Variants in SP8 observed in about 807,000 individuals in gnomAD.
SP8 encodes the protein transcription factor Sp8.
SP8 carries 7 observed loss-of-function variants against 15.3 expected under a neutral mutation model. The observed-to-expected ratio is 0.46, with a 90% CI of 0.26 to 0.86. SP8 has a LOEUF of 0.86. SP8 is among the 40% of genes least tolerant of loss of function. SP8 has a pLI of 0.16. For synonymous variants in SP8, 415 were observed against 356.3 expected (o/e 1.16, Z -1.86); for missense variants, 731 against 736.4 (o/e 0.99, Z 0.09).
Position 20,784,068 on chromosome 7 carries a change from G to C in SP8, c.*222C>G, listed in dbSNP as rs960097197. ...GTTCAGGCAGCGTTACCCGTGGAAA[G>C]GGAAAGCCAGGGCCCGGGACAGCGA... On this transcript the variant is annotated 3_prime_UTR_variant, in exon 2 of 2. Transcript: ENST00000418710. The C allele has an allele frequency of 8.5e-6, 4 of 471,180 alleles. No homozygotes were observed. Among genetic ancestry groups the C allele is most frequent in the Non-Finnish European group, 1.4e-5 (4 of 282,094 alleles). 29.2% of individuals were successfully genotyped at this position (471,180 alleles called of 1,614,324 possible).
In SP8 at chr7:20,786,698, G is replaced by C; in HGVS notation, c.21+80C>G. The C allele has an allele frequency of 8.1e-7, 1 of 1,234,700 alleles. No individual in the cohort carries two copies. The highest frequency in any genetic ancestry group is 1.2e-6 in the Non-Finnish European group (1 of 834,110). 76.5% of individuals were successfully genotyped at this position (1,234,700 alleles called of 1,614,324 possible). ...TAGAGAGACTGATAGCCCGTGGCCT[G>C]GCCGGGGCGACTTTAACCCCCTCCA... is the stretch of plus-strand genomic sequence containing the variant. On this transcript the variant is annotated intron_variant, in intron 1 of 1. Transcript: ENST00000418710. This position sits in a 1 kb window ranked among gnomAD's most constrained non-coding sequence, Gnocchi z 4.4.
chr7:20,785,449 G>A lies in SP8; in HGVS notation c.368C>T (p.Ala123Val), dbSNP rs1328650989. Reference sequence around the variant, plus strand: ...TGCGGCGGCGGCGGCGGCGGCTGCGGCGCTGCTGGAGGTGAGGGAGAAGGC... The same window carrying A: ...TGCGGCGGCGGCGGCGGCGGCTGCGACGCTGCTGGAGGTGAGGGAGAAGGC... ...SSAFSLTSSS[A>V]AAAAAAAAAA... is the part of the protein sequence containing the mutation. The change falls in exon 2 of 2, where the codon GCC becomes GTC. Residue 123 changes from alanine to valine, a missense_variant. Physicochemically the swap from Ala to Val is moderately conservative, Grantham distance 64 (BLOSUM62 0). Around this residue, in one of 3 missense-constraint regions of SP8, gnomAD observed 586 missense variants for 524.9 expected, o/e 1.12. Transcript: ENST00000418710. This position sits in a 1 kb window ranked among gnomAD's most constrained non-coding sequence, Gnocchi z 7.2. 2.0e-5 allele frequency: 23 copies of A among 1,176,176 alleles called. No homozygotes were observed. The highest frequency in any genetic ancestry group is 2.3e-5 in the Non-Finnish European group (22 of 938,716). The allele number at this position is 1,176,176 out of a possible 1,614,324, so 72.9% of individuals were successfully genotyped here. A position where few individuals can be genotyped will look rare whatever the true frequency, so the allele number is the denominator to read the frequency against.
rs1562606769 is a variant in SP8 at position 20,785,327 on chromosome 7, C to T, written c.490G>A (p.Gly164Ser). 1.4e-6 allele frequency: 2 copies of T among 1,481,168 alleles called. No homozygotes were observed. The highest frequency in any genetic ancestry group is 4.7e-5 in the Admixed American group (2 of 42,158). The allele number at this position is 1,481,168 out of a possible 1,614,324, so 91.8% of individuals were successfully genotyped here. A position where few individuals can be genotyped will look rare whatever the true frequency, so the allele number is the denominator to read the frequency against. The change falls in exon 2 of 2, where the codon GGC (glycine) becomes AGC (serine). Residue 164 changes from glycine (G) to serine (S), a missense_variant. Physicochemically the swap from Gly to Ser is moderately conservative, Grantham distance 56 (BLOSUM62 0). This residue lies in a region of SP8 where 586 missense variants were observed against 524.9 expected (regional missense o/e 1.12). Coordinates refer to ENST00000418710, the MANE Select transcript of SP8 (RefSeq NM_182700.6). The surrounding 1 kb of genome is among the most constrained non-coding windows in gnomAD (Gnocchi z 7.2). ...GSGGGGGGGGGGSSAHSQDGS... is the reference protein window; with the variant it reads ...GSGGGGGGGGSGSSAHSQDGS... ...TCCTGCGAGTGCGCGGAGGAGCCGC[C>T]GCCGCCGCCCCCGCCGCCGCCGCCG...
chr7:20,785,325 GCCGCCGCCGCCC>G lies in SP8; in HGVS notation c.480_491del (p.Gly162_Gly165del), dbSNP rs750513769. 22 of 1,436,070 alleles carry G rather than the reference GCCGCCGCCGCCC, an allele frequency of 1.5e-5. No homozygotes were observed. Among genetic ancestry groups the G allele is most frequent in the East Asian group, 2.9e-5 (1 of 34,056 alleles). The allele number at this position is 1,436,070 out of a possible 1,614,324, so 89.0% of individuals were successfully genotyped here. A position where few individuals can be genotyped will look rare whatever the true frequency, so the allele number is the denominator to read the frequency against. On this transcript the variant is annotated inframe_deletion, in exon 2 of 2. Coordinates refer to ENST00000418710, the MANE Select transcript of SP8 (RefSeq NM_182700.6). This position sits in a 1 kb window ranked among gnomAD's most constrained non-coding sequence, Gnocchi z 7.2. ...CGTCCTGCGAGTGCGCGGAGGAGCC[GCCGCCGCCGCCC>G]CCGCCGCCGCCGCCGCTGCCCCCGG... is the stretch of plus-strand genomic sequence containing the variant.
rs1387779139 is a variant in SP8, at chr7:20,784,972, C to A, written c.845G>T (p.Ser282Ile). 6.4e-7 allele frequency: 1 copy of A among 1,568,696 alleles called. No homozygotes were observed. Among genetic ancestry groups the A allele is most frequent in the African/African-American group, 1.4e-5 (1 of 73,264 alleles). Residue 282 changes from serine to isoleucine, a missense_variant, in exon 2 of 2, where the codon AGC (serine) becomes ATC (isoleucine). Ser to Ile is a moderately radical substitution (Grantham distance 142, BLOSUM62 -2). This residue lies in a region of SP8 where 586 missense variants were observed against 524.9 expected (regional missense o/e 1.12). Transcript: ENST00000418710. ...GAGCAGGTGCGAGGAGGCGCCGCTGCTGAAGGCCGAGTGACTCAGGCCCGA... is the reference window on the plus strand; with the variant it reads ...GAGCAGGTGCGAGGAGGCGCCGCTGATGAAGGCCGAGTGACTCAGGCCCGA... ...DYSGLSHSAF[S>I]SGASSHLLSP...
chr7:20,783,274 C>T lies in SP8; in HGVS notation c.*1016G>A, dbSNP rs1380034707. On this transcript the variant is annotated 3_prime_UTR_variant, in exon 2 of 2. Coordinates refer to ENST00000418710, the MANE Select transcript of SP8 (RefSeq NM_182700.6). ...GGTGAAAAAACGAGGTAGAAAAGGA[C>T]AAACATGGAGATAGTTAATCTGGTC... is the stretch of plus-strand genomic sequence containing the variant. The T allele has an allele frequency of 2.6e-5, 4 of 152,500 alleles. No individual in the cohort carries two copies. The highest frequency in any genetic ancestry group is 5.9e-5 in the Non-Finnish European group (4 of 68,018). The allele number at this position is 152,500 out of a possible 1,614,324, so 9.4% of individuals were successfully genotyped here.
rs1270540105 is a variant in SP8, at chr7:20,784,099, G to A, written c.*191C>T. 1.9e-6 allele frequency: 1 copy of A among 523,116 alleles called. No individual in the cohort carries two copies. Among genetic ancestry groups the A allele is most frequent in the Non-Finnish European group, 3.1e-6 (1 of 323,280 alleles). 32.4% of individuals were successfully genotyped at this position (523,116 alleles called of 1,614,324 possible). A position where few individuals can be genotyped will look rare whatever the true frequency, so the allele number is the denominator to read the frequency against. ...GCCAGGGCCCGGGACAGCGATGCGT[G>A]TTACTTACTTGTCCATATCCCCTTT... is the stretch of plus-strand genomic sequence containing the variant. On this transcript the variant is annotated 3_prime_UTR_variant, in exon 2 of 2. Coordinates refer to ENST00000418710, the MANE Select transcript of SP8 (RefSeq NM_182700.6).
rs895575994 is a variant in SP8 at position 20,783,138 on chromosome 7, A to G, written c.*1152T>C. The G allele has an allele frequency of 2.6e-5, 4 of 152,154 alleles. No homozygotes were observed. The highest frequency in any genetic ancestry group is 9.7e-5 in the African/African-American group (4 of 41,290). 9.4% of individuals were successfully genotyped at this position (152,154 alleles called of 1,614,324 possible). A position where few individuals can be genotyped will look rare whatever the true frequency, so the allele number is the denominator to read the frequency against. On this transcript the variant is annotated 3_prime_UTR_variant, in exon 2 of 2. Coordinates refer to ENST00000418710, the MANE Select transcript of SP8 (RefSeq NM_182700.6). ...ACTTGTTTGTAAGTTTAAATCACAC[A>G]CAAAAAAGTTTAACCCTACGATCTT...
chr7:20,784,449 G>A lies in SP8; in HGVS notation c.1368C>T (p.His456=). 2 of 1,542,826 alleles carry A rather than the reference G, an allele frequency of 1.3e-6. No homozygotes were observed. Among genetic ancestry groups the A allele is most frequent in the South Asian group, 1.2e-5 (1 of 83,644 alleles). The change falls in exon 2 of 2, where the codon CAC becomes CAT. Residue 456 remains histidine, a synonymous_variant. Coordinates refer to ENST00000418710, the MANE Select transcript of SP8 (RefSeq NM_182700.6). The part of the protein sequence containing the change: ...SDHLSKHVKT[H]SGGGGGGGSA... ...AGCCGCCGCCGCCGCCGCCGCCACTGTGCGTCTTCACGTGCTTGCTGAGGT... is the reference window on the plus strand; with the variant it reads ...AGCCGCCGCCGCCGCCGCCGCCACTATGCGTCTTCACGTGCTTGCTGAGGT...
rs769667847 is a variant in SP8 at position 20,785,286 on chromosome 7, C to G, written c.531G>C (p.Pro177=). The change falls in exon 2 of 2, where the codon CCG becomes CCC. Residue 177 remains proline, a synonymous_variant. Transcript: ENST00000418710. This position sits in a 1 kb window ranked among gnomAD's most constrained non-coding sequence, Gnocchi z 7.2. ...AGGTGTGCACCTTGGAGATGAACAC[C>G]GGCTGGTGGGAGCCGTCCTGCGAGT... is the stretch of plus-strand genomic sequence containing the variant. The part of the protein sequence containing the change: ...SAHSQDGSHQ[P]VFISKVHTSV... 1 of 1,562,418 alleles carries G rather than the reference C, an allele frequency of 6.4e-7. No individual in the cohort carries two copies. Among genetic ancestry groups the G allele is most frequent in the East Asian group, 2.6e-5 (1 of 39,082 alleles).
Position 20,785,531 on chromosome 7 carries a change from C to G in SP8, c.286G>C (p.Ala96Pro). 1 of 1,369,962 alleles carries G rather than the reference C, an allele frequency of 7.3e-7. No individual in the cohort carries two copies. The highest frequency in any genetic ancestry group is 3.2e-5 in the Admixed American group (1 of 31,526). The allele number at this position is 1,369,962 out of a possible 1,614,324, so 84.9% of individuals were successfully genotyped here. Residue 96 changes from alanine (A) to proline (P), a missense_variant, in exon 2 of 2, where the codon GCT becomes CCT. Transcript: ENST00000418710. The surrounding 1 kb of genome is among the most constrained non-coding windows in gnomAD (Gnocchi z 7.2). ...AAAAAAAAAAAAAALVSDSFS... is the reference protein window; with the variant it reads ...AAAAAAAAAAPAAALVSDSFS... ...GAGTCGGACACCAGGGCCGCGGCAGCCGCGGCTGCTGCCGCGGCCGCCGCA... is the reference window on the plus strand; with the variant it reads ...GAGTCGGACACCAGGGCCGCGGCAGGCGCGGCTGCTGCCGCGGCCGCCGCA...
rs1239610370 is a variant in SP8, at chr7:20,785,109, G to C, written c.708C>G (p.Ile236Met). ...SSWWDVGAGW[I>M]DVQNPNSAAA... ...CCGCGCTGTTCGGGTTCTGCACGTC[G>C]ATCCAGCCGGCCCCCACGTCCCACC... Residue 236 changes from isoleucine to methionine, a missense_variant, in exon 2 of 2, where the codon ATC becomes ATG. Ile to Met is a conservative substitution (Grantham distance 10, BLOSUM62 1). Transcript: ENST00000418710. The surrounding 1 kb of genome is among the most constrained non-coding windows in gnomAD (Gnocchi z 7.2). 6 of 1,585,738 alleles carry C rather than the reference G, an allele frequency of 3.8e-6. No individual in the cohort carries two copies. The highest frequency in any genetic ancestry group is 5.1e-6 in the Non-Finnish European group (6 of 1,170,834).
At position 20,785,802 on chromosome 7, in the gene SP8, GGAGGA is replaced by G. The variant is rs781102223; in HGVS notation, c.22-12_22-8del. 3.7e-6 allele frequency: 6 copies of G among 1,608,726 alleles called. No homozygotes were observed. The highest frequency in any genetic ancestry group is 2.7e-5 in the African/African-American group (2 of 74,726). On this transcript the variant is annotated splice_polypyrimidine_tract_variant and splice_region_variant and intron_variant, in intron 1 of 1. Coordinates refer to ENST00000418710, the MANE Select transcript of SP8 (RefSeq NM_182700.6). This position sits in a 1 kb window ranked among gnomAD's most constrained non-coding sequence, Gnocchi z 7.2. ...ATCCCAACCTCGGTTCTTCCTGCGAGGAGGAGAGGAGAAGGAGTGGGGGAGGGGAG... is the reference window on the plus strand; with the variant it reads ...ATCCCAACCTCGGTTCTTCCTGCGAGGAGGAGAAGGAGTGGGGGAGGGGAG...
Position 20,782,565 on chromosome 7 carries a change from G to A in SP8, c.*1725C>T, listed in dbSNP as rs531286770. 4.9e-4 allele frequency: 2 copies of A among 4,046 alleles called. No homozygotes were observed. Among genetic ancestry groups the A allele is most frequent in the East Asian group, 0.015 (2 of 136 alleles). The allele number at this position is 4,046 out of a possible 1,614,324, so 0.3% of individuals were successfully genotyped here. On this transcript the variant is annotated 3_prime_UTR_variant, in exon 2 of 2. Transcript: ENST00000418710. ...ACTTGGACAATTTATTTAATACATG[G>A]GTTTTGGCAGACCACTTATTATGAA...
In SP8 at chr7:20,783,823, C is replaced by G. The variant is rs1273928582; in HGVS notation, c.*467G>C. Reference sequence around the variant, plus strand: ...GCGCTGTTCTGCCCAGGCCTCCAGCCTCTCCCTCTCCACCGCTCCGCTCAG... The same window carrying G: ...GCGCTGTTCTGCCCAGGCCTCCAGCGTCTCCCTCTCCACCGCTCCGCTCAG... On this transcript the variant is annotated 3_prime_UTR_variant, in exon 2 of 2. Coordinates refer to ENST00000418710, the MANE Select transcript of SP8 (RefSeq NM_182700.6). The G allele has an allele frequency of 9.2e-6, 1 of 108,518 alleles. No individual in the cohort carries two copies. The highest frequency in any genetic ancestry group is 1.7e-5 in the Non-Finnish European group (1 of 58,466). The allele number at this position is 108,518 out of a possible 1,614,324, so 6.7% of individuals were successfully genotyped here. A position where few individuals can be genotyped will look rare whatever the true frequency, so the allele number is the denominator to read the frequency against.
chr7:20,785,097 G>C lies in SP8; in HGVS notation c.720C>G (p.Asn240Lys), dbSNP rs201194192. The C allele has an allele frequency of 1.3e-6, 2 of 1,584,996 alleles. No individual in the cohort carries two copies. The highest frequency in any genetic ancestry group is 1.4e-5 in the African/African-American group (1 of 73,278). Reference sequence around the variant, plus strand: ...CGGGCAGCGCAGCCGCGCTGTTCGGGTTCTGCACGTCGATCCAGCCGGCCC... The same window carrying C: ...CGGGCAGCGCAGCCGCGCTGTTCGGCTTCTGCACGTCGATCCAGCCGGCCC... ...DVGAGWIDVQ[N>K]PNSAAALPGS... Residue 240 changes from asparagine to lysine, a missense_variant, in exon 2 of 2, where the codon AAC (asparagine) becomes AAG (lysine). Physicochemically the swap from Asn to Lys is moderately conservative, Grantham distance 94. Coordinates refer to ENST00000418710, the MANE Select transcript of SP8 (RefSeq NM_182700.6). The surrounding 1 kb of genome is among the most constrained non-coding windows in gnomAD (Gnocchi z 7.2).
chr7:20,785,519 GGGCCGCGGCAGCCGCGGCTGCTGCCGC>G lies in SP8; in HGVS notation c.271_297del (p.Ala91_Ala99del), dbSNP rs769228710. ...CCGCAGCTGAACGAGTCGGACACCA[GGGCCGCGGCAGCCGCGGCTGCTGCCGC>G]GGCCGCCGCAGCCGCCGAGGACGAG... On this transcript the variant is annotated inframe_deletion, in exon 2 of 2. Transcript: ENST00000418710. This position sits in a 1 kb window ranked among gnomAD's most constrained non-coding sequence, Gnocchi z 7.2. 2.3e-4 allele frequency: 332 copies of G among 1,459,552 alleles called. 3 individuals carry two copies. The highest frequency in any genetic ancestry group is 5.2e-4 in the Admixed American group (18 of 34,474). 90.4% of individuals were successfully genotyped at this position (1,459,552 alleles called of 1,614,324 possible). A position where few individuals can be genotyped will look rare whatever the true frequency, so the allele number is the denominator to read the frequency against.
chr7:20,784,854 C>T lies in SP8; in HGVS notation c.963G>A (p.Gly321=). 6.6e-7 allele frequency: 1 copy of T among 1,526,150 alleles called. No homozygotes were observed. The highest frequency in any genetic ancestry group is 8.7e-7 in the Non-Finnish European group (1 of 1,142,988). 94.5% of individuals were successfully genotyped at this position (1,526,150 alleles called of 1,614,324 possible). A position where few individuals can be genotyped will look rare whatever the true frequency, so the allele number is the denominator to read the frequency against. The part of the protein sequence containing the change: ...DSAPSPLAGA[G]GSMLSAGPSA... ...AAGGCCCAGCGCTCAACATGGAGCCCCCCGCGCCGGCCAGCGGCGACGGGG... is the reference window on the plus strand; with the variant it reads ...AAGGCCCAGCGCTCAACATGGAGCCTCCCGCGCCGGCCAGCGGCGACGGGG... Residue 321 remains glycine, a synonymous_variant, in exon 2 of 2, where the codon GGG becomes GGA. Transcript: ENST00000418710.
rs1208705788 is a variant in SP8 at position 20,784,398 on chromosome 7, C to T, written c.1419G>A (p.Lys473=). ...GGSAGSGSGG[K]KGSDTDSEHS... is the part of the protein sequence containing the mutation. ...GCTCGCTGTCGGTGTCGCTGCCCTTCTTGCCGCCGCTGCCCGAGCCCGCCG... is the reference window on the plus strand; with the variant it reads ...GCTCGCTGTCGGTGTCGCTGCCCTTTTTGCCGCCGCTGCCCGAGCCCGCCG... The change falls in exon 2 of 2, where the codon AAG becomes AAA. Residue 473 remains lysine, a synonymous_variant. Transcript: ENST00000418710. 4.6e-6 allele frequency: 7 copies of T among 1,527,452 alleles called. No individual in the cohort carries two copies. Among genetic ancestry groups the T allele is most frequent in the African/African-American group, 2.8e-5 (2 of 71,582 alleles). The allele number at this position is 1,527,452 out of a possible 1,614,324, so 94.6% of individuals were successfully genotyped here. A position where few individuals can be genotyped will look rare whatever the true frequency, so the allele number is the denominator to read the frequency against.
Sources: gnomAD v4.1 joint callset for allele counts on GRCh38, gnomAD v4.1.1 for gene constraint, gnomAD v4.1.1 regional missense constraint, Gnocchi (gnomAD v3.1) non-coding constraint, MANE v1.5 for transcripts, NCBI Gene and HGNC (gene_info 2026-07-23, HGNC 2026-07-21) for gene names.